PDE4B: variants seen among roughly 807,000 people sequenced by gnomAD.
The protein encoded by PDE4B is 3',5'-cyclic-AMP phosphodiesterase 4B.
In PDE4B, 20 loss-of-function variants were observed where a neutral mutation model predicts 82.2. The ratio of observed to expected loss-of-function variants is 0.24; its 90% CI spans 0.17 to 0.35. The LOEUF is 0.35. PDE4B is among the 10% of genes least tolerant of loss of function. The pLI, the probability that PDE4B is intolerant of heterozygous loss-of-function variation, is 1.00. For missense variants in PDE4B, 655 were observed against 907.2 expected, an observed-to-expected ratio of 0.72 and a Z score of 3.57; for synonymous variants, 320 against 318.9, an observed-to-expected ratio of 1.00 and a Z score of -0.04.
At position 65,830,722 on chromosome 1, in the gene PDE4B, A is replaced by G. The variant is rs150914546; in HGVS notation, c.-71+37474A>G. On this transcript the variant is annotated intron_variant, in intron 1 of 16. Transcript: ENST00000341517. ...CAACAGAAGAGCATGGTAAGGAGAC[A>G]TGACATTTCAGTGCAATGTGATCCT... 9.3e-3 allele frequency among the ~76,000 whole-genome samples: 1,413 copies of G among 152,304 alleles called. 13 individuals are homozygous for G. Among genetic ancestry groups the G allele is most frequent in the Admixed American group, 0.014 (221 of 15,290 alleles).
At chr1:65,793,694 C>G (rs1327302400) in intron 1 of PDE4B, among the ~76,000 whole-genome samples, 1 of 152,208 alleles carries the variant, frequency 6.6e-6, no homozygotes, top group Non-Finnish European at 1.5e-5. Flanking sequence ...TCCTGCGTGC[C>G]CTGGTGGCTG....
At chr1:66,146,991 G>C (rs575085067) in intron 3 of PDE4B, among the ~76,000 whole-genome samples, 3 of 152,248 alleles carry the variant, frequency 2.0e-5, no homozygotes, top group South Asian at 2.1e-4. Context: ...TGAATTTGTG[G>C]ATCTATGCTC....
At chr1:65,968,295 G>C (rs1467625920) in intron 3 of PDE4B, among the ~76,000 whole-genome samples, 2 of 151,968 alleles carry the variant, frequency 1.3e-5, no homozygotes, top group Non-Finnish European at 2.9e-5. Context: ...AATACCTAAG[G>C]GTTTCTTTTC....
At chr1:66,360,561 G>A (rs1001969273) in intron 9 of PDE4B, 1 of 152,226 alleles carries the variant, frequency 6.6e-6, no homozygotes, top group Non-Finnish European at 1.5e-5. Context: ...ACTTTTGAAA[G>A]CTGCATTAAC....
chr1:66,067,911 A>G (rs1172427519), intron 3 of PDE4B, among the ~76,000 whole-genome samples: 1 of 139,956 alleles, frequency 7.1e-6, no homozygotes, highest in African/African-American at 2.6e-5. Context: ...ACATGGACAC[A>G]GGAAGGAGAA....
intron 1 of PDE4B, among the ~76,000 whole-genome samples, chr1:65,835,256 A>C (rs185796454): frequency 6.6e-6 from 1 of 151,746 alleles, no homozygotes; most frequent in Admixed American, 6.5e-5. Flanking sequence ...GGCATCTAAC[A>C]CTCTTCAGTT....
chr1:66,165,524 A>G (rs1310649312), intron 3 of PDE4B, among the ~76,000 whole-genome samples: 1 of 152,130 alleles, frequency 6.6e-6, no homozygotes, highest in Admixed American at 6.5e-5. Flanking sequence ...CTAAAAAAAA[A>G]CTAATAAATG....
chr1:65,822,568 C>T (rs149147883), intron 1 of PDE4B, among the ~76,000 whole-genome samples: 6 of 152,256 alleles, frequency 3.9e-5, no homozygotes, highest in African/African-American at 1.2e-4. Flanking sequence ...AAACCCCAAA[C>T]GTGGCAGTAC....
chr1:66,326,758 A>G (rs1045777363), intron 7 of PDE4B, among the ~76,000 whole-genome samples: 1 of 152,234 alleles, frequency 6.6e-6, no homozygotes, highest in African/African-American at 2.4e-5. Flanking sequence ...TTTAGATATA[A>G]TTTATAGGAA....
chr1:66,354,388 ATCT>A, intron 8 of PDE4B: 2 of 986,564 alleles, frequency 2.0e-6, no homozygotes, highest in Non-Finnish European at 2.4e-6. Context: ...CTCCATTTTA[ATCT>A]TCTCCTTTTT....
At chr1:66,011,119 A>G (rs1218016436) in intron 3 of PDE4B, among the ~76,000 whole-genome samples, 1 of 151,732 alleles carries the variant, frequency 6.6e-6, no homozygotes, top group African/African-American at 2.4e-5. Flanking sequence ...ATTGCTGAAC[A>G]CTATTCCATT....
chr1:66,208,214 T>C (rs886306766), intron 3 of PDE4B, among the ~76,000 whole-genome samples: 6 of 152,202 alleles, frequency 3.9e-5, no homozygotes, highest in Admixed American at 6.5e-5. Flanking sequence ...TAATTGTACC[T>C]TCTTGGAGCC....
At chr1:65,935,953 AC>A (rs1446429766) in intron 3 of PDE4B, among the ~76,000 whole-genome samples, 2 of 151,804 alleles carry the variant, frequency 1.3e-5, no homozygotes, top group African/African-American at 2.4e-5. Flanking sequence ...AAACAAAACA[AC>A]AACAACAACA....
At chr1:66,131,980 C>T (rs899915408) in intron 3 of PDE4B, among the ~76,000 whole-genome samples, 1 of 151,980 alleles carries the variant, frequency 6.6e-6, no homozygotes, top group Admixed American at 6.6e-5. Flanking sequence ...CTTTGGAAAA[C>T]AGAAAGAAAA....
intron 1 of PDE4B, among the ~76,000 whole-genome samples, chr1:65,823,547 C>T (rs1312275870): frequency 1.3e-5 from 2 of 152,006 alleles, no homozygotes; most frequent in Non-Finnish European, 2.9e-5. Flanking sequence ...CATGTTATAA[C>T]GTCTCATCTG....
intron 3 of PDE4B, among the ~76,000 whole-genome samples, chr1:66,141,360 A>C (rs1034659190): frequency 1.4e-4 from 18 of 128,116 alleles, no homozygotes; most frequent in African/African-American, 4.8e-4. Flanking sequence ...ATATATATAT[A>C]TATATATGAA....
intron 3 of PDE4B, among the ~76,000 whole-genome samples, chr1:66,041,488 A>G (rs1285110716): frequency 2.6e-5 from 4 of 151,928 alleles, no homozygotes; most frequent in African/African-American, 9.7e-5. Context: ...ACCCAGGTAT[A>G]TAGAACCATT....
intron 3 of PDE4B, among the ~76,000 whole-genome samples, chr1:65,927,110 G>A (rs1447704663): frequency 2.6e-5 from 4 of 151,716 alleles, no homozygotes; most frequent in African/African-American, 4.8e-5. Context: ...ATAAGACCAT[G>A]TTAAAAGAAG....
At chr1:66,279,948 C>G (rs1051961763) in intron 7 of PDE4B, among the ~76,000 whole-genome samples, 2 of 152,070 alleles carry the variant, frequency 1.3e-5, no homozygotes, top group Non-Finnish European at 2.9e-5. Context: ...ACAGCCAACA[C>G]CTAGATCAAT....
Sources: allele counts gnomAD v4.1 joint callset (sites outside exome capture counted in the v4.1 genomes callset), GRCh38; gene constraint gnomAD v4.1.1; transcripts MANE v1.5; gene names NCBI Gene and HGNC (gene_info 2026-07-23, HGNC 2026-07-21).